ZNF431: variants seen among roughly 807,000 people sequenced by gnomAD.
ZNF431 encodes the protein zinc finger protein 431.
ZNF431 carries 34 observed loss-of-function variants against 57.0 expected under a neutral mutation model. That is an observed-to-expected ratio of 0.60 (90% CI 0.45 to 0.79). The LOEUF is 0.79. Ranked by LOEUF, ZNF431 falls within the 30% of genes least tolerant of loss-of-function variation. ZNF431 has a pLI of 0.00. For synonymous variants in ZNF431, 207 were observed against 220.3 expected (o/e 0.94, Z 0.54); for missense variants, 607 against 667.1 (o/e 0.91, Z 0.99).
At chr19:21,144,914 T>C (rs1348214740) in intron 2 of ZNF431, among the ~76,000 whole-genome samples, 1 of 152,224 alleles carries the variant, frequency 6.6e-6, no homozygotes, top group Admixed American at 6.5e-5. Flanking sequence ...TTTTATGAGA[T>C]GAAACTTGGT....
intron 2 of ZNF431, chr19:21,149,741 G>C: frequency 1.6e-6 from 1 of 619,924 alleles, no homozygotes; most frequent in Non-Finnish European, 3.0e-6. Context: ...TCCCTCCCCA[G>C]TGATGGCGGA....
In ZNF431 at chr19:21,183,346, A is replaced by C; in HGVS notation, c.1043A>C (p.Glu348Ala). Residue 348 changes from glutamate (E) to alanine (A), a missense_variant, in exon 5 of 5, where the codon GAA becomes GCA. Coordinates refer to ENST00000311048, the MANE Select transcript of ZNF431 (RefSeq NM_133473.4). ...GGAGAGAAACCCTACAAATGTGAGG[A>C]ATGTGACAAAGCTTTTAATCGATTC... ...HAGEKPYKCEECDKAFNRFSY... is the reference protein window; with the variant it reads ...HAGEKPYKCEACDKAFNRFSY... 2 of 1,613,882 alleles carry C rather than the reference A, an allele frequency of 1.2e-6. No individual in the cohort carries two copies. The highest frequency in any genetic ancestry group is 2.2e-5 in the South Asian group (2 of 91,062).
intron 4 of ZNF431, among the ~76,000 whole-genome samples, chr19:21,178,246 A>C (rs1444345163): frequency 2.0e-5 from 3 of 152,190 alleles, no homozygotes; most frequent in Non-Finnish European, 2.9e-5. Context: ...TTCTAGATCT[A>C]GGATCATGTC....
intron 1 of ZNF431, among the ~76,000 whole-genome samples, 186 bp downstream of exon 1, chr19:21,142,372 C>T (rs974560487): frequency 1.1e-4 from 17 of 152,160 alleles, no homozygotes; most frequent in Non-Finnish European, 2.1e-4. Flanking sequence ...CAGTCGGGAC[C>T]CCAGGCGTCC....
intron 3 of ZNF431, among the ~76,000 whole-genome samples, chr19:21,167,075 CT>C (rs1970739588): frequency 6.6e-6 from 1 of 152,002 alleles, no homozygotes; most frequent in Non-Finnish European, 1.5e-5. Context: ...CCAGGCTGGT[CT>C]CAAACTCCTG....
rs1298413216 is a variant in ZNF431, at chr19:21,187,654, C to T, written c.*3620C>T. 1 of 152,008 alleles carries T rather than the reference C, an allele frequency of 6.6e-6. No homozygotes were observed. Among genetic ancestry groups the T allele is most frequent in the Admixed American group, 6.6e-5 (1 of 15,240 alleles). 9.4% of individuals were successfully genotyped at this position (152,008 alleles called of 1,614,324 possible). The stretch of plus-strand genomic sequence containing the variant: ...TCGGGAGACTGAGGCAGGAGAATCG[C>T]TTGAACACGACAGGTGGAGGTTGCA... On this transcript the variant is annotated 3_prime_UTR_variant, in exon 5 of 5. Transcript: ENST00000311048.
chr19:21,172,009 C>T (rs977559824), intron 4 of ZNF431, among the ~76,000 whole-genome samples: 1 of 151,548 alleles, frequency 6.6e-6, no homozygotes, highest in African/African-American at 2.4e-5. Flanking sequence ...CATGAGCCAC[C>T]GCACCTGGCC....
At chr19:21,143,500 T>A in intron 1 of ZNF431, 51 bp from the exon 2 acceptor site, 1 of 1,424,452 alleles carries the variant, frequency 7.0e-7, no homozygotes, top group Non-Finnish European at 9.9e-7. Flanking sequence ...CGTGGTTATG[T>A]CAGCTAAAGT....
At chr19:21,148,404 A>T (rs1043029062) in intron 2 of ZNF431, among the ~76,000 whole-genome samples, 1 of 152,230 alleles carries the variant, frequency 6.6e-6, no homozygotes, top group Admixed American at 6.5e-5. Flanking sequence ...GTTAGAGTAG[A>T]TCAGTGCTTT....
rs928377310 is a variant in ZNF431, at chr19:21,153,050, A to G, written c.96+9407A>G. ...ATGGTTATTTCTTGATTATATGCTA[A>G]ACAAGGGGTGGAATATTTATGCCTC... On this transcript the variant is annotated intron_variant, in intron 2 of 4. Transcript: ENST00000311048. Among the ~76,000 whole-genome samples the G allele has an allele frequency of 5.1e-4, 78 of 152,362 alleles. 2 individuals are homozygous for G. The highest frequency in any genetic ancestry group is 1.8e-3 in the African/African-American group (75 of 41,590).
intron 3 of ZNF431, among the ~76,000 whole-genome samples, chr19:21,166,785 A>G (rs1476875309): frequency 6.6e-6 from 1 of 152,244 alleles, no homozygotes; most frequent in Non-Finnish European, 1.5e-5. Flanking sequence ...AGTAAAATTA[A>G]AAACCTACAA....
In ZNF431 at chr19:21,146,748, T is replaced by C. The variant is rs1426692021; in HGVS notation, c.96+3105T>C. 2.0e-5 allele frequency among the ~76,000 whole-genome samples: 3 copies of C among 152,320 alleles called. No individual in the cohort carries two copies. The East Asian group carries it at 5.8e-4, about 29-fold the overall frequency. ...CAAGGTCTTTATGACTTGTATCTTG[T>C]GCTGACCTTCTTTCCTACCCTGTTA... On this transcript the variant is annotated intron_variant, in intron 2 of 4. Coordinates refer to ENST00000311048, the MANE Select transcript of ZNF431 (RefSeq NM_133473.4).
At chr19:21,161,945 C>T (rs1188356100) in intron 2 of ZNF431, among the ~76,000 whole-genome samples, 3 of 151,950 alleles carry the variant, frequency 2.0e-5, no homozygotes, top group Admixed American at 6.6e-5. Flanking sequence ...TGAGCCACCG[C>T]ACCAAGCGTT....
In ZNF431 at chr19:21,151,058, C is replaced by CA. The variant is rs1555706098; in HGVS notation, c.96+7415_96+7416insA. 5 of 148,716 alleles carry CA rather than the reference C, an allele frequency of 3.4e-5. No homozygotes were observed. In the East Asian group the frequency reaches 9.8e-4, roughly 29 times the overall value. The allele number at this position is 148,716 out of a possible 1,614,324, so 9.2% of individuals were successfully genotyped here. A position where few individuals can be genotyped will look rare whatever the true frequency, so the allele number is the denominator to read the frequency against. ...CTTTTAACCACAGTGCTTTTTTTTT[C>CA]TTTTTTTTTTTGGAATGGAGTCTCG... On this transcript the variant is annotated intron_variant, in intron 2 of 4. Transcript: ENST00000311048.
intron 2 of ZNF431, among the ~76,000 whole-genome samples, chr19:21,160,867 T>A (rs1345762387): frequency 1.3e-5 from 2 of 152,238 alleles, no homozygotes; most frequent in East Asian, 3.9e-4. Context: ...CCATTTCATA[T>A]GGTCATTCAA....
At chr19:21,182,550 G>A in intron 4 of ZNF431, 73 bp from the exon 5 acceptor site, 2 of 1,445,062 alleles carry the variant, frequency 1.4e-6, no homozygotes, top group Middle Eastern at 1.8e-4. Context: ...TTTGTATAAT[G>A]TAGGTTAGAT....
chr19:21,171,312 G>A (rs1238309232), intron 4 of ZNF431, among the ~76,000 whole-genome samples: 3 of 148,908 alleles, frequency 2.0e-5, no homozygotes, highest in Non-Finnish European at 1.5e-5. Context: ...TTTTTTAATG[G>A]TACTTTAATG....
In ZNF431 at chr19:21,157,786, C is replaced by T. The variant is rs1005299758; in HGVS notation, c.97-8549C>T. ...CCCATGATCCGCCCGCCTCGGCCTCCCAAAGTGCTGGGATTACAGGCGTGA... is the reference window on the plus strand; with the variant it reads ...CCCATGATCCGCCCGCCTCGGCCTCTCAAAGTGCTGGGATTACAGGCGTGA... On this transcript the variant is annotated intron_variant, in intron 2 of 4. Transcript: ENST00000311048. 2.0e-5 allele frequency among the ~76,000 whole-genome samples: 3 copies of T among 152,212 alleles called. No homozygotes were observed. The East Asian group carries it at 5.8e-4, about 29-fold the overall frequency.
intron 4 of ZNF431, among the ~76,000 whole-genome samples, chr19:21,180,798 T>C (rs556700817): frequency 1.3e-5 from 2 of 151,998 alleles, no homozygotes; most frequent in African/African-American, 4.8e-5. Context: ...AATACAAAAA[T>C]TAGCTGGGCA....
Sources: gnomAD v4.1 joint callset for allele counts (sites outside exome capture counted in the v4.1 genomes callset) on GRCh38, gnomAD v4.1.1 for gene constraint, MANE v1.5 for transcripts, NCBI Gene and HGNC (gene_info 2026-07-23, HGNC 2026-07-21) for gene names.